Variants in BNC2 observed in about 807,000 individuals in gnomAD.
BNC2 encodes basonuclin zinc finger protein 2.
BNC2 carries 20 observed loss-of-function variants against 76.3 expected under a neutral mutation model. That is an observed-to-expected ratio of 0.26 (90% CI 0.18 to 0.38). The LOEUF (loss-of-function observed/expected upper bound fraction) is 0.38, where lower values mean the gene tolerates loss of function less well. BNC2 is among the 10% of genes least tolerant of loss of function. The probability of loss-of-function intolerance (pLI) is 1.00; values close to 1 mark genes in which losing one functional copy is unlikely to be tolerated. For missense variants in BNC2, 1,382 were observed against 1,399.8 expected (o/e 0.99, Z 0.20); for synonymous variants, 582 against 514.8 (o/e 1.13, Z -1.77).
intron 3 of BNC2, among the ~76,000 whole-genome samples, chr9:16,692,333 A>T (rs1823197670): frequency 6.6e-6 from 1 of 152,194 alleles, no homozygotes; most frequent in Non-Finnish European, 1.5e-5. Context: ...TCTTAAAGAC[A>T]GGTAATACTG....
chr9:16,665,269 C>T (rs1822237229), intron 3 of BNC2: 1 of 352,212 alleles, frequency 2.8e-6, no homozygotes, highest in South Asian at 2.1e-5. Context: ...ACTCCAGAGG[C>T]TGAGGCAGGA....
chr9:16,809,691 T>C (rs948409196), intron 1 of BNC2, among the ~76,000 whole-genome samples: 2 of 152,012 alleles, frequency 1.3e-5, no homozygotes, highest in Admixed American at 6.5e-5. Flanking sequence ...GGCAGCAGGA[T>C]TGCTTGAACT....
chr9:16,663,513 T>C lies in BNC2; in HGVS notation c.330+64284A>G, dbSNP rs77423372. Among the ~76,000 whole-genome samples the C allele has an allele frequency of 1.5e-3, 225 of 152,294 alleles. 2 individuals carry two copies. The highest frequency in any genetic ancestry group is 5.0e-3 in the African/African-American group (206 of 41,566). On this transcript the variant is annotated intron_variant, in intron 3 of 6. Transcript: ENST00000380672. ...ATTCCAGCTCTGTGATTCTGGACTA[T>C]ACTATAAAAAGAAGGGACTGAACTT... is the stretch of plus-strand genomic sequence containing the variant.
chr9:16,861,181 A>AACATATATATATATATAT (rs1287136917), intron 1 of BNC2, among the ~76,000 whole-genome samples: 2 of 131,698 alleles, frequency 1.5e-5, no homozygotes, highest in African/African-American at 6.2e-5. Flanking sequence ...ATCTCTACAA[A>AACATATATATATATATAT]ATATATATAT....
rs1820551249 is a variant in BNC2 at position 16,414,893 on chromosome 9, A to G, written c.*4096T>C. ...TTTCTCCTGAGGAGAAGCCTCTGGA[A>G]TAGCCCATTCTTGATATATTCAAAG... On this transcript the variant is annotated 3_prime_UTR_variant, in exon 7 of 7. Transcript: ENST00000380672. The G allele has an allele frequency of 6.6e-6, 1 of 151,752 alleles. No individual in the cohort carries two copies. The highest frequency in any genetic ancestry group is 2.1e-4 in the South Asian group (1 of 4,800). The allele number at this position is 151,752 out of a possible 1,614,324, so 9.4% of individuals were successfully genotyped here.
intron 5 of BNC2, among the ~76,000 whole-genome samples, chr9:16,465,232 T>TC: frequency 6.6e-6 from 1 of 152,214 alleles, no homozygotes; most frequent in African/African-American, 2.4e-5. Flanking sequence ...GGTCGGCAGT[T>TC]CAAGACCAGC....
chr9:16,780,092 C>T (rs1478362704), intron 1 of BNC2, among the ~76,000 whole-genome samples: 21 of 150,856 alleles, frequency 1.4e-4, no homozygotes, highest in Admixed American at 5.3e-4. Flanking sequence ...AAAAATTAGC[C>T]GGGCGCGGTG....
At chr9:16,558,496 C>T (rs1243499724) in intron 4 of BNC2, among the ~76,000 whole-genome samples, 3 of 152,138 alleles carry the variant, frequency 2.0e-5, no homozygotes, top group African/African-American at 7.2e-5. Context: ...CCAACAAAAT[C>T]TGTATTTCCT....
At chr9:16,769,559 T>C (rs963472686) in intron 1 of BNC2, among the ~76,000 whole-genome samples, 2 of 152,116 alleles carry the variant, frequency 1.3e-5, no homozygotes, top group South Asian at 2.1e-4. Flanking sequence ...AGGGAGGCCA[T>C]GCAGCTTAAA....
chr9:16,635,030 A>G (rs1311813787), intron 3 of BNC2, among the ~76,000 whole-genome samples: 1 of 152,206 alleles, frequency 6.6e-6, no homozygotes, highest in Non-Finnish European at 1.5e-5. Context: ...TATACTCCAT[A>G]TGGAAACCTA....
intron 3 of BNC2, among the ~76,000 whole-genome samples, chr9:16,591,848 CT>C (rs1819938656): frequency 6.6e-6 from 1 of 152,018 alleles, no homozygotes; most frequent in African/African-American, 2.4e-5. Context: ...AAGAAAGGTC[CT>C]TACATTTGTC....
At chr9:16,529,596 A>G (rs1314686241) in intron 5 of BNC2, among the ~76,000 whole-genome samples, 3 of 152,130 alleles carry the variant, frequency 2.0e-5, no homozygotes, top group African/African-American at 7.2e-5. Context: ...CCTGTTGTGG[A>G]AAAAGGGTTT....
At chr9:16,741,054 C>T (rs985651085) in intron 1 of BNC2, among the ~76,000 whole-genome samples, 4 of 152,094 alleles carry the variant, frequency 2.6e-5, no homozygotes, top group African/African-American at 9.7e-5. Context: ...CAATAAATAA[C>T]AGCTACATGA....
chr9:16,778,746 G>A (rs1232374090), intron 1 of BNC2, among the ~76,000 whole-genome samples: 1 of 152,142 alleles, frequency 6.6e-6, no homozygotes, highest in African/African-American at 2.4e-5. Flanking sequence ...TCTCAAAGTG[G>A]TATAAGCTGA....
intron 5 of BNC2, among the ~76,000 whole-genome samples, chr9:16,530,187 C>T (rs973757626): frequency 1.3e-5 from 2 of 151,828 alleles, no homozygotes; most frequent in South Asian, 4.2e-4. Context: ...TTTAAAAAAG[C>T]CTTTCTAAGG....
At chr9:16,481,325 C>T (rs1311985354) in intron 5 of BNC2, among the ~76,000 whole-genome samples, 1 of 152,102 alleles carries the variant, frequency 6.6e-6, no homozygotes, top group African/African-American at 2.4e-5. Context: ...CGCTCGGGTC[C>T]CCTTCCACAT....
At chr9:16,518,594 GTTGTTGT>G (rs1470678016) in intron 5 of BNC2, among the ~76,000 whole-genome samples, 1 of 124,316 alleles carries the variant, frequency 8.0e-6, no homozygotes, top group African/African-American at 4.2e-5. Context: ...TGTTGTTGTT[GTTGTTGT>G]TTGTTTGTTT....
chr9:16,512,484 G>GCACACA (rs113858472), intron 5 of BNC2, among the ~76,000 whole-genome samples: 9 of 149,162 alleles, frequency 6.0e-5, no homozygotes, highest in African/African-American at 2.0e-4. Context: ...TAACACACGC[G>GCACACA]CACACACACA....
chr9:16,497,586 T>C (rs767200789), intron 5 of BNC2, among the ~76,000 whole-genome samples: 4 of 152,016 alleles, frequency 2.6e-5, no homozygotes, highest in Non-Finnish European at 4.4e-5. Flanking sequence ...GTGGGGGAGA[T>C]GGGTATAAAT....
Sources: gnomAD v4.1 joint callset for allele counts (sites outside exome capture counted in the v4.1 genomes callset) on GRCh38, gnomAD v4.1.1 for gene constraint, MANE v1.5 for transcripts, NCBI Gene and HGNC (gene_info 2026-07-23, HGNC 2026-07-21) for gene names.